Variants in ITGA5 observed in about 807,000 individuals in gnomAD.
ITGA5 encodes the protein integrin alpha-5.
A neutral mutation model predicts 146.3 loss-of-function variants in ITGA5; 55 were observed. That is an observed-to-expected ratio of 0.38 (90% CI 0.30 to 0.47). The LOEUF is 0.47. Among genes scored for constraint, ITGA5 ranks in the 20% least tolerant of loss-of-function variants. The pLI is 0.99. For missense variants in ITGA5, 1,131 were observed against 1,329.0 expected (o/e 0.85, Z 2.32); for synonymous variants, 500 against 531.8 (o/e 0.94, Z 0.82).
chr12:54,398,202 ATC>A (rs1270122939), intron 28 of ITGA5, among the ~76,000 whole-genome samples: 1 of 152,112 alleles, frequency 6.6e-6, no homozygotes, highest in African/African-American at 2.4e-5. Flanking sequence ...TCAGCCTCAT[ATC>A]TGTTATTCAC....
chr12:54,417,019 G>A (rs527966656), intron 1 of ITGA5, among the ~76,000 whole-genome samples: 4 of 152,272 alleles, frequency 2.6e-5, no homozygotes, highest in African/African-American at 9.6e-5. Flanking sequence ...AGGTCACTGG[G>A]GAGGTAGAAT....
Position 54,414,765 on chromosome 12 carries a change from T to C in ITGA5, c.219-2801A>G, listed in dbSNP as rs192178048. 4.8e-3 allele frequency among the ~76,000 whole-genome samples: 723 copies of C among 151,020 alleles called. 14 individuals carry two copies. The highest frequency in any genetic ancestry group is 7.8e-3 in the Non-Finnish European group (533 of 67,908). On this transcript the variant is annotated intron_variant, in intron 1 of 29. Coordinates refer to ENST00000293379, the MANE Select transcript of ITGA5 (RefSeq NM_002205.5). ...GGGAGGCTGAGGCAGGAGAATGGCA[T>C]GAACCTGGGAGGCGGAGCTTGCAGG... is the stretch of plus-strand genomic sequence containing the variant.
In ITGA5 at chr12:54,409,917, C is replaced by T. The variant is rs1592291118; in HGVS notation, c.350-320G>A. On this transcript the variant is annotated intron_variant, in intron 2 of 29. Coordinates refer to ENST00000293379, the MANE Select transcript of ITGA5 (RefSeq NM_002205.5). This position sits in a 1 kb window ranked among gnomAD's most constrained non-coding sequence, Gnocchi z 4.7. ...TGTCACCCAGGCTGGAGTGCAGTAG[C>T]ATGATCTCGGCTCAGTGCAACCTCC... 1.3e-5 allele frequency among the ~76,000 whole-genome samples: 2 copies of T among 151,884 alleles called. No individual in the cohort carries two copies. Among genetic ancestry groups the T allele is most frequent in the Admixed American group, 1.3e-4 (2 of 15,262 alleles).
intron 12 of ITGA5, 53 bp downstream of exon 12, chr12:54,405,113 T>C: frequency 2.0e-6 from 3 of 1,477,724 alleles, no homozygotes; most frequent in Non-Finnish European, 2.8e-6. Flanking sequence ...CCCAAATCCC[T>C]TCTGACTTGG....
chr12:54,410,888 G>A (rs977200613), intron 2 of ITGA5, among the ~76,000 whole-genome samples: 15 of 151,988 alleles, frequency 9.9e-5, no homozygotes, highest in African/African-American at 2.4e-4. Flanking sequence ...CACCATGCCC[G>A]GCTAATTTTT....
chr12:54,401,744 T>A lies in ITGA5; in HGVS notation c.2306+32A>T. ...CCCAGCCCTCCCTTCCGTCCCCAGC[T>A]CAGCCCCAGCCTAGACACACTCACT... On this transcript the variant is annotated intron_variant, in intron 22 of 29. Coordinates refer to ENST00000293379, the MANE Select transcript of ITGA5 (RefSeq NM_002205.5). The surrounding 1 kb of genome is among the most constrained non-coding windows in gnomAD (Gnocchi z 5.0). 2.5e-6 allele frequency: 4 copies of A among 1,612,556 alleles called. No homozygotes were observed. The African/African-American group carries it at 5.3e-5, about 22-fold the overall frequency.
At position 54,404,758 on chromosome 12, in the gene ITGA5, G is replaced by A. The variant is rs756268121; in HGVS notation, c.1362C>T (p.Asp454=). 254 of 1,614,036 alleles carry A rather than the reference G, an allele frequency of 1.6e-4. No homozygotes were observed. Among genetic ancestry groups the A allele is most frequent in the Non-Finnish European group, 2.1e-4 (246 of 1,180,010 alleles). The change falls in exon 13 of 30, where the codon GAC becomes GAT. Residue 454 remains aspartate, a synonymous_variant. Transcript: ENST00000293379. The part of the protein sequence containing the change: ...QPLWAASHTP[D]FFGSALRGGR... The stretch of plus-strand genomic sequence containing the variant: ...CTCCTCGAAGGGCAGAGCCAAAGAA[G>A]TCTGGGGTGTGGCTGGCTGCCCACA...
Position 54,404,143 on chromosome 12 carries a change from A to G in ITGA5, c.1565+2T>C. On this transcript the variant is annotated splice_donor_variant, in intron 15 of 29. Transcript: ENST00000293379. LOFTEE classifies it high-confidence loss of function. ...TCTGCAATTTCCTGGGCACCAGCTC[A>G]CCAGGCCACAGGGTTCCCCTCTAAG... The G allele has an allele frequency of 6.3e-7, 1 of 1,579,006 alleles. No individual in the cohort carries two copies.
rs1167049380 is a variant in ITGA5 at position 54,401,484 on chromosome 12, G to C, written c.2388-6C>G. 6.3e-7 allele frequency: 1 copy of C among 1,589,390 alleles called. No individual in the cohort carries two copies. The highest frequency in any genetic ancestry group is 1.7e-4 in the Middle Eastern group (1 of 5,988). Reference sequence around the variant, plus strand: ...CTGCCTCAGGCTTGGAGACACTAAGGAGGAGGGTGGTTTAGAGGAGGGTGG... The same window carrying C: ...CTGCCTCAGGCTTGGAGACACTAAGCAGGAGGGTGGTTTAGAGGAGGGTGG... On this transcript the variant is annotated splice_region_variant and splice_polypyrimidine_tract_variant and intron_variant, in intron 23 of 29. Transcript: ENST00000293379. The surrounding 1 kb of genome is among the most constrained non-coding windows in gnomAD (Gnocchi z 5.0).
At chr12:54,413,091 C>T (rs745623585) in intron 1 of ITGA5, 3 of 152,382 alleles carry the variant, frequency 2.0e-5, no homozygotes, top group Non-Finnish European at 4.4e-5. Flanking sequence ...GGTTTCTGTT[C>T]ACTTTCAGCT....
chr12:54,399,854 C>A lies in ITGA5; in HGVS notation c.2727+10G>T, dbSNP rs1211426929. On this transcript the variant is annotated intron_variant, in intron 26 of 29. Coordinates refer to ENST00000293379, the MANE Select transcript of ITGA5 (RefSeq NM_002205.5). The stretch of plus-strand genomic sequence containing the variant: ...ACTTTGGTCCACACCTCATTCCCTG[C>A]CTGACTTACCAGGATCTGAGGTCCC... The A allele has an allele frequency of 6.2e-7, 1 of 1,613,480 alleles. No individual in the cohort carries two copies. The highest frequency in any genetic ancestry group is 2.2e-5 in the East Asian group (1 of 44,884).
At position 54,401,303 on chromosome 12, in the gene ITGA5, A is replaced by G. The variant is rs1955780915; in HGVS notation, c.2493+70T>C. On this transcript the variant is annotated intron_variant, in intron 24 of 29. Transcript: ENST00000293379. This position sits in a 1 kb window ranked among gnomAD's most constrained non-coding sequence, Gnocchi z 5.0. ...TCTCTCAGTCCCTCACATGGGTTCC[A>G]GCCATCTGTCACTCATATTAGCTCC... 8.7e-7 allele frequency: 1 copy of G among 1,151,674 alleles called. No homozygotes were observed. The highest frequency in any genetic ancestry group is 2.3e-5 in the East Asian group (1 of 42,570). The allele number at this position is 1,151,674 out of a possible 1,614,324, so 71.3% of individuals were successfully genotyped here.
Position 54,401,689 on chromosome 12 carries a change from G to C in ITGA5, c.2307-24C>G. 6.2e-7 allele frequency: 1 copy of C among 1,613,674 alleles called. No individual in the cohort carries two copies. The highest frequency in any genetic ancestry group is 8.5e-7 in the Non-Finnish European group (1 of 1,179,586). On this transcript the variant is annotated intron_variant, in intron 22 of 29. Transcript: ENST00000293379. The surrounding 1 kb of genome is among the most constrained non-coding windows in gnomAD (Gnocchi z 5.0). ...TGCTGTGGGATGGAGGCAAGACTGA[G>C]GTGCTGGAGTGCAGCCAGTGAGAAT...
chr12:54,405,585 T>G, intron 11 of ITGA5, 79 bp downstream of exon 11: 1 of 1,321,038 alleles, frequency 7.6e-7, no homozygotes, highest in Non-Finnish European at 1.1e-6. Flanking sequence ...GAAACTCTCC[T>G]TGCATTTTCT....
chr12:54,403,893 C>A lies in ITGA5; in HGVS notation c.1621+18G>T, dbSNP rs755157683. 6.2e-7 allele frequency: 1 copy of A among 1,613,156 alleles called. No homozygotes were observed. Among genetic ancestry groups the A allele is most frequent in the South Asian group, 1.1e-5 (1 of 91,074 alleles). The stretch of plus-strand genomic sequence containing the variant: ...TTCTCTGTCCTAGGGCCTGAGAGAT[C>A]CAGGCAGTCTCCCTCACCAATGGAG... On this transcript the variant is annotated intron_variant, in intron 16 of 29. Coordinates refer to ENST00000293379, the MANE Select transcript of ITGA5 (RefSeq NM_002205.5). This position sits in a 1 kb window ranked among gnomAD's most constrained non-coding sequence, Gnocchi z 4.9.
At chr12:54,400,438 C>T (rs1271306709) in intron 25 of ITGA5, 2 of 196,858 alleles carry the variant, frequency 1.0e-5, no homozygotes, top group South Asian at 1.1e-4. Context: ...GTTCCATGAA[C>T]GTGGAGACCT....
intron 1 of ITGA5, among the ~76,000 whole-genome samples, chr12:54,414,790 G>T (rs1013376846): frequency 1.3e-5 from 2 of 149,200 alleles, no homozygotes; most frequent in African/African-American, 5.0e-5. Context: ...GAGCTTGCAG[G>T]GAGCCGAGAT....
Position 54,399,698 on chromosome 12 carries a change from CTTG to C in ITGA5, c.2785_2787del (p.Gln929del), listed in dbSNP as rs781738005. 1.2e-6 allele frequency: 2 copies of C among 1,614,230 alleles called. No individual in the cohort carries two copies. The highest frequency in any genetic ancestry group is 1.7e-5 in the Admixed American group (1 of 60,030). On this transcript the variant is annotated inframe_deletion, in exon 27 of 30. Coordinates refer to ENST00000293379, the MANE Select transcript of ITGA5 (RefSeq NM_002205.5). ...AAATGCAACTGCAGACTTTGGCTCT[CTTG>C]TTGGTGCAGGGGCCCGAGCTCACAG...
intron 2 of ITGA5, among the ~76,000 whole-genome samples, chr12:54,411,563 G>A (rs1015006302): frequency 3.3e-5 from 5 of 152,206 alleles, no homozygotes; most frequent in Admixed American, 6.5e-5. Flanking sequence ...CTGTGTTACG[G>A]CCCTGGCCTC....
Sources: gnomAD v4.1 joint callset for allele counts (sites outside exome capture counted in the v4.1 genomes callset) on GRCh38, gnomAD v4.1.1 for gene constraint, Gnocchi (gnomAD v3.1) non-coding constraint, MANE v1.5 for transcripts, NCBI Gene and HGNC (gene_info 2026-07-23, HGNC 2026-07-21) for gene names.